Variants in SPOCK1 observed in about 807,000 individuals in gnomAD.
SPOCK1 encodes SPARC (osteonectin), cwcv and kazal like domains proteoglycan 1, also known as testican-1.
In SPOCK1, 23 loss-of-function variants were observed where a neutral mutation model predicts 55.3. That is an observed-to-expected ratio of 0.42 (90% CI 0.30 to 0.59). The LOEUF is 0.59. SPOCK1 is among the 20% of genes least tolerant of loss of function. SPOCK1 has a pLI of 0.22. For missense variants in SPOCK1, 499 were observed against 552.5 expected (o/e 0.90, Z 0.97); for synonymous variants, 226 against 221.0 (o/e 1.02, Z -0.20).
chr5:137,157,651 C>G (rs1235644040), intron 3 of SPOCK1, among the ~76,000 whole-genome samples: 1 of 152,212 alleles, frequency 6.6e-6, no homozygotes, highest in Non-Finnish European at 1.5e-5. Context: ...CTGTTAATCA[C>G]TTGGTCCCAA....
At chr5:137,370,415 A>T (rs907657529) in intron 2 of SPOCK1, among the ~76,000 whole-genome samples, 1 of 152,230 alleles carries the variant, frequency 6.6e-6, no homozygotes, top group Non-Finnish European at 1.5e-5. Flanking sequence ...AGGCTCTAAC[A>T]GGCATTGGAT....
chr5:137,436,569 T>C (rs912669522), intron 2 of SPOCK1, among the ~76,000 whole-genome samples: 1 of 152,178 alleles, frequency 6.6e-6, no homozygotes, highest in Admixed American at 6.5e-5. Context: ...TTTCCAAAAA[T>C]TTTTTGGCAA....
At chr5:137,166,014 C>G (rs1482467502) in intron 3 of SPOCK1, among the ~76,000 whole-genome samples, 2 of 152,048 alleles carry the variant, frequency 1.3e-5, no homozygotes, top group African/African-American at 4.8e-5. Flanking sequence ...GTGATAATAA[C>G]AGAGAACTTC....
intron 2 of SPOCK1, among the ~76,000 whole-genome samples, chr5:137,461,654 C>A (rs1055306476): frequency 6.6e-6 from 1 of 152,158 alleles, no homozygotes; most frequent in Non-Finnish European, 1.5e-5. Flanking sequence ...TTGTTCTGCC[C>A]GTCTCTGGGC....
At chr5:137,084,325 C>G (rs1376906613) in intron 5 of SPOCK1, among the ~76,000 whole-genome samples, 1 of 151,982 alleles carries the variant, frequency 6.6e-6, no homozygotes, top group Non-Finnish European at 1.5e-5. Context: ...GGACACACCT[C>G]AGAAGCTGCA....
chr5:137,211,093 T>C (rs886832908), intron 3 of SPOCK1, among the ~76,000 whole-genome samples: 3 of 152,194 alleles, frequency 2.0e-5, no homozygotes, highest in African/African-American at 7.2e-5. Context: ...GAATGATAGT[T>C]CTAAGAGAAA....
intron 3 of SPOCK1, among the ~76,000 whole-genome samples, chr5:137,172,395 G>C (rs933406032): frequency 6.6e-6 from 1 of 152,114 alleles, no homozygotes; most frequent in Non-Finnish European, 1.5e-5. Flanking sequence ...TATGGTGAGC[G>C]AAAGAGTCAC....
intron 2 of SPOCK1, among the ~76,000 whole-genome samples, chr5:137,466,454 G>A (rs1289212133): frequency 6.6e-6 from 1 of 152,214 alleles, no homozygotes; most frequent in Non-Finnish European, 1.5e-5. Flanking sequence ...AGTCCTGGAA[G>A]CTCATAAAGT....
intron 2 of SPOCK1, among the ~76,000 whole-genome samples, chr5:137,376,194 C>T (rs997376538): frequency 1.3e-5 from 2 of 152,134 alleles, no homozygotes; most frequent in Non-Finnish European, 2.9e-5. Context: ...ATAAAAGCCC[C>T]GGGATCCGCC....
intron 2 of SPOCK1, among the ~76,000 whole-genome samples, chr5:137,440,300 T>C (rs1015579504): frequency 6.7e-6 from 1 of 150,296 alleles, no homozygotes; most frequent in Non-Finnish European, 1.5e-5. Flanking sequence ...TCCTAGAAAA[T>C]AGAGAAGAAA....
intron 2 of SPOCK1, among the ~76,000 whole-genome samples, chr5:137,299,061 T>C (rs1309790730): frequency 6.6e-6 from 1 of 152,148 alleles, no homozygotes; most frequent in Non-Finnish European, 1.5e-5. Flanking sequence ...CTAATTCTCA[T>C]CTCCTTTCTT....
At chr5:137,184,413 T>G (rs1490398452) in intron 3 of SPOCK1, among the ~76,000 whole-genome samples, 1 of 152,110 alleles carries the variant, frequency 6.6e-6, no homozygotes, top group Non-Finnish European at 1.5e-5. Context: ...GATTGTTGGG[T>G]CTGTCCTCGC....
chr5:137,104,840 A>T (rs755410519), intron 5 of SPOCK1, among the ~76,000 whole-genome samples: 1 of 152,204 alleles, frequency 6.6e-6, no homozygotes, highest in Non-Finnish European at 1.5e-5. Context: ...CAAAATAATT[A>T]TACAACATTG....
At chr5:137,367,162 A>G (rs536521742) in intron 2 of SPOCK1, among the ~76,000 whole-genome samples, 2 of 152,208 alleles carry the variant, frequency 1.3e-5, no homozygotes, top group Non-Finnish European at 1.5e-5. Context: ...CTTTGCCTCC[A>G]TCAATGGCTT....
intron 3 of SPOCK1, among the ~76,000 whole-genome samples, chr5:137,266,199 A>G (rs1017518793): frequency 6.6e-6 from 1 of 152,196 alleles, no homozygotes; most frequent in African/African-American, 2.4e-5. Context: ...GAATACTCAC[A>G]TTACAGAACT....
chr5:137,008,959 G>A (rs1303975721), intron 6 of SPOCK1, among the ~76,000 whole-genome samples: 1 of 151,914 alleles, frequency 6.6e-6, no homozygotes, highest in Non-Finnish European at 1.5e-5. Context: ...TCAGAAGAAT[G>A]ATACACACAC....
At chr5:137,182,429 T>A (rs1684186226) in intron 3 of SPOCK1, among the ~76,000 whole-genome samples, 1 of 152,220 alleles carries the variant, frequency 6.6e-6, no homozygotes, top group African/African-American at 2.4e-5. Context: ...CAGCTCTTGG[T>A]TATTCAACAA....
At chr5:137,157,747 A>G (rs1240686452) in intron 3 of SPOCK1, among the ~76,000 whole-genome samples, 3 of 152,228 alleles carry the variant, frequency 2.0e-5, no homozygotes, top group South Asian at 4.1e-4. Flanking sequence ...TTCTGGGAAC[A>G]GTTTTTAGAT....
chr5:137,491,784 C>G (rs186966710), intron 2 of SPOCK1, among the ~76,000 whole-genome samples: 34 of 152,276 alleles, frequency 2.2e-4, no homozygotes, highest in Admixed American at 1.1e-3. Context: ...TTCAAGTCAA[C>G]AAAATGCTTA....
Sources: gnomAD v4.1 joint callset for allele counts (sites outside exome capture counted in the v4.1 genomes callset) on GRCh38, gnomAD v4.1.1 for gene constraint, MANE v1.5 for transcripts, NCBI Gene and HGNC (gene_info 2026-07-23, HGNC 2026-07-21) for gene names.